The following NAALADL2 variants were observed in gnomAD, a reference collection of about 807,000 sequenced individuals.
NAALADL2 encodes inactive N-acetylated-alpha-linked acidic dipeptidase-like protein 2.
A neutral mutation model predicts 87.2 loss-of-function variants in NAALADL2; 76 were observed. That is an observed-to-expected ratio of 0.87 (90% CI 0.72 to 1.05). The LOEUF (loss-of-function observed/expected upper bound fraction) is 1.05. NAALADL2 is among the 50% of genes least tolerant of loss of function. NAALADL2 has a pLI of 0.00. For synonymous variants in NAALADL2, 354 were observed against 331.0 expected (o/e 1.07, Z -0.75); for missense variants, 1,089 against 945.8 (o/e 1.15, Z -1.99).
intron 1 of NAALADL2, among the ~76,000 whole-genome samples, chr3:174,867,853 C>T (rs1023353129): frequency 1.3e-5 from 2 of 151,938 alleles, no homozygotes; most frequent in Non-Finnish European, 2.9e-5. Flanking sequence ...AAGTAGTGCA[C>T]TGTTATTCAA....
At chr3:175,058,216 A>C (rs1241497119) in intron 1 of NAALADL2, among the ~76,000 whole-genome samples, 1 of 152,236 alleles carries the variant, frequency 6.6e-6, no homozygotes, top group African/African-American at 2.4e-5. Context: ...TTTAGGCACA[A>C]TGTGGAAACC....
chr3:174,553,117 T>C (rs1560050117), intron 2 of NAALADL2, among the ~76,000 whole-genome samples: 1 of 152,186 alleles, frequency 6.6e-6, no homozygotes. Context: ...ATTCAGCACT[T>C]ATAGGAAAAG....
At chr3:175,489,613 A>G (rs1371190554) in intron 9 of NAALADL2, among the ~76,000 whole-genome samples, 3 of 152,208 alleles carry the variant, frequency 2.0e-5, no homozygotes, top group African/African-American at 7.2e-5. Flanking sequence ...AAAACTCATT[A>G]CCATAGTGTC....
At chr3:174,795,119 G>A (rs1186904459) in intron 3 of NAALADL2, among the ~76,000 whole-genome samples, 1 of 148,896 alleles carries the variant, frequency 6.7e-6, no homozygotes, top group Admixed American at 6.9e-5. Flanking sequence ...AGCCTCCCGA[G>A]TAGCTGGGAT....
intron 1 of NAALADL2, among the ~76,000 whole-genome samples, chr3:175,066,244 G>T (rs904527769): frequency 3.3e-5 from 5 of 152,130 alleles, no homozygotes; most frequent in African/African-American, 1.2e-4. Context: ...GACATTGCAC[G>T]TACTATGAGG....
chr3:174,501,858 T>A (rs1163950636), intron 1 of NAALADL2, among the ~76,000 whole-genome samples: 3 of 152,208 alleles, frequency 2.0e-5, no homozygotes. Flanking sequence ...CAATTTTTGA[T>A]ATCATTGAAT....
intron 1 of NAALADL2, among the ~76,000 whole-genome samples, chr3:175,015,578 C>G (rs1019089230): frequency 6.6e-6 from 1 of 152,028 alleles, no homozygotes; most frequent in South Asian, 2.1e-4. Context: ...ACGTCTTTGC[C>G]TTTTCCTGTC....
chr3:175,431,373 T>A (rs1019661646), intron 5 of NAALADL2, among the ~76,000 whole-genome samples: 8 of 152,066 alleles, frequency 5.3e-5, no homozygotes, highest in Admixed American at 5.3e-4. Flanking sequence ...TTTGTTTGTT[T>A]GTTTGTTTGT....
intron 5 of NAALADL2, among the ~76,000 whole-genome samples, chr3:175,406,124 A>G (rs888009616): frequency 6.6e-6 from 1 of 152,202 alleles, no homozygotes; most frequent in Non-Finnish European, 1.5e-5. Flanking sequence ...CATGATTACT[A>G]CTAGGAAGAA....
At chr3:174,931,370 T>C (rs777625966) in intron 1 of NAALADL2, among the ~76,000 whole-genome samples, 1 of 152,210 alleles carries the variant, frequency 6.6e-6, no homozygotes, top group Non-Finnish European at 1.5e-5. Context: ...GGAAATCACA[T>C]AACTGCTCTG....
intron 3 of NAALADL2, among the ~76,000 whole-genome samples, chr3:174,750,083 G>T (rs1734670867): frequency 6.6e-6 from 1 of 152,006 alleles, no homozygotes; most frequent in South Asian, 2.1e-4. Flanking sequence ...TCCAGTTTTT[G>T]CCCAAGCTAA....
intron 5 of NAALADL2, among the ~76,000 whole-genome samples, chr3:175,393,551 A>T (rs1769357610): frequency 6.6e-6 from 1 of 152,090 alleles, no homozygotes; most frequent in Admixed American, 6.5e-5. Context: ...TCTAAGATTC[A>T]TCAGTTGTTA....
chr3:174,954,047 G>A (rs1024678235), intron 1 of NAALADL2, among the ~76,000 whole-genome samples: 21 of 151,964 alleles, frequency 1.4e-4, no homozygotes, highest in African/African-American at 3.6e-4. Context: ...ATTTAGATAC[G>A]ACTTTGGCAT....
At chr3:175,047,509 T>G (rs924191464) in intron 1 of NAALADL2, among the ~76,000 whole-genome samples, 1 of 152,180 alleles carries the variant, frequency 6.6e-6, no homozygotes, top group Non-Finnish European at 1.5e-5. Context: ...GAGAAATCAC[T>G]TTCCAATAAT....
intron 1 of NAALADL2, among the ~76,000 whole-genome samples, chr3:175,075,624 G>C (rs914053549): frequency 1.3e-5 from 2 of 152,112 alleles, no homozygotes; most frequent in African/African-American, 2.4e-5. Context: ...CTTACCAAAA[G>C]ATATCAATGG....
intron 2 of NAALADL2, among the ~76,000 whole-genome samples, chr3:175,190,600 C>CAGA: frequency 6.6e-6 from 1 of 152,138 alleles, no homozygotes; most frequent in Admixed American, 6.5e-5. Flanking sequence ...GTAGATGGTG[C>CAGA]GGTCATTATG....
At chr3:174,688,353 CTAT>C (rs1728235932) in intron 2 of NAALADL2, among the ~76,000 whole-genome samples, 1 of 151,694 alleles carries the variant, frequency 6.6e-6, no homozygotes, top group African/African-American at 2.4e-5. Flanking sequence ...TAAATGTTAG[CTAT>C]TATTATTAGA....
chr3:174,931,980 T>C (rs1736965894), intron 1 of NAALADL2, among the ~76,000 whole-genome samples: 2 of 152,168 alleles, frequency 1.3e-5, no homozygotes, highest in African/African-American at 4.8e-5. Flanking sequence ...CTTCAACAAT[T>C]TTTATGTGTT....
chr3:174,973,467 A>G lies in NAALADL2; in HGVS notation c.43+114017A>G, dbSNP rs1743962143. On this transcript the variant is annotated intron_variant, in intron 1 of 13. Coordinates refer to ENST00000454872, the MANE Select transcript of NAALADL2 (RefSeq NM_207015.3). ...TTTTTATGTGGTTATTTTATATAAGATAATATTATAGCTCTAATTGATATT... is the reference window on the plus strand; with the variant it reads ...TTTTTATGTGGTTATTTTATATAAGGTAATATTATAGCTCTAATTGATATT... Among the ~76,000 whole-genome samples the G allele has an allele frequency of 2.0e-5, 3 of 152,176 alleles. No individual in the cohort carries two copies. The South Asian group carries it at 6.2e-4, about 31-fold the overall frequency.
Sources: allele counts gnomAD v4.1 joint callset (sites outside exome capture counted in the v4.1 genomes callset), GRCh38; gene constraint gnomAD v4.1.1; transcripts MANE v1.5; gene names NCBI Gene and HGNC (gene_info 2026-07-23, HGNC 2026-07-21).